The following NELL1 variants were observed in gnomAD, a reference collection of about 807,000 sequenced individuals.
NELL1 encodes neural EGFL like 1.
A neutral mutation model predicts 107.4 loss-of-function variants in NELL1; 76 were observed. The ratio of observed to expected loss-of-function variants is 0.71; its 90% CI spans 0.59 to 0.86. NELL1 has a LOEUF of 0.86. Ranked by LOEUF, NELL1 falls within the 40% of genes least tolerant of loss-of-function variation. NELL1 has a pLI of 0.00. For missense variants in NELL1, 1,024 were observed against 1,005.5 expected, an observed-to-expected ratio of 1.02 and a Z score of -0.25; for synonymous variants, 353 against 341.2, an observed-to-expected ratio of 1.03 and a Z score of -0.38.
At chr11:21,438,976 G>A (rs573879787) in intron 15 of NELL1, among the ~76,000 whole-genome samples, 1 of 151,846 alleles carries the variant, frequency 6.6e-6, no homozygotes, top group African/African-American at 2.4e-5. Context: ...TGACTCATGA[G>A]AGGCAAGCCA....
intron 15 of NELL1, among the ~76,000 whole-genome samples, chr11:21,500,977 T>C (rs116876386): frequency 3.3e-5 from 5 of 152,256 alleles, no homozygotes; most frequent in Non-Finnish European, 7.4e-5. Context: ...TTAGGTATTT[T>C]ACTGATTGTA....
intron 15 of NELL1, among the ~76,000 whole-genome samples, chr11:21,469,683 T>G (rs1854124601): frequency 6.6e-6 from 1 of 152,080 alleles, no homozygotes; most frequent in African/African-American, 2.4e-5. Context: ...ATAAGGAATG[T>G]GATTTCAAAT....
intron 2 of NELL1, among the ~76,000 whole-genome samples, chr11:20,753,891 T>C (rs929077290): frequency 1.3e-5 from 2 of 152,210 alleles, no homozygotes; most frequent in African/African-American, 4.8e-5. Context: ...CTACTCAAGT[T>C]GTTTGCTTTG....
At chr11:21,549,923 AAAAAGAGTG>A (rs1856535677) in intron 16 of NELL1, among the ~76,000 whole-genome samples, 2 of 140,464 alleles carry the variant, frequency 1.4e-5, no homozygotes, top group African/African-American at 3.3e-5. Context: ...AAAAGAGTGG[AAAAAGAGTG>A]AGGCAGGGGC....
chr11:21,358,898 G>GT (rs1590866853), intron 14 of NELL1, among the ~76,000 whole-genome samples: 1 of 151,968 alleles, frequency 6.6e-6, no homozygotes, highest in Non-Finnish European at 1.5e-5. Flanking sequence ...AGTTTTTAAG[G>GT]TTTTCTAGGT....
chr11:20,765,538 C>T (rs1040117979), intron 2 of NELL1, among the ~76,000 whole-genome samples: 4 of 152,230 alleles, frequency 2.6e-5, no homozygotes, highest in Non-Finnish European at 5.9e-5. Flanking sequence ...AGGGAAATGA[C>T]GTTTCAGCTG....
At chr11:21,452,968 T>C (rs1344202314) in intron 15 of NELL1, among the ~76,000 whole-genome samples, 1 of 151,994 alleles carries the variant, frequency 6.6e-6, no homozygotes, top group Non-Finnish European at 1.5e-5. Flanking sequence ...TTTGGAAATA[T>C]TCCAGTTATA....
chr11:21,421,364 T>C (rs1183676679), intron 15 of NELL1, among the ~76,000 whole-genome samples: 1 of 152,122 alleles, frequency 6.6e-6, no homozygotes, highest in Non-Finnish European at 1.5e-5. Flanking sequence ...ATTTCAGCTC[T>C]TATCTGGAGG....
chr11:21,454,552 A>T (rs905076008), intron 15 of NELL1, among the ~76,000 whole-genome samples: 1 of 152,194 alleles, frequency 6.6e-6, no homozygotes, highest in Non-Finnish European at 1.5e-5. Context: ...TAAATACAAG[A>T]TTATCTTTTA....
intron 12 of NELL1, among the ~76,000 whole-genome samples, chr11:20,970,080 C>CATCCATCT (rs1851467069): frequency 1.1e-4 from 17 of 151,414 alleles, no homozygotes; most frequent in South Asian, 6.3e-4. Flanking sequence ...TCCATCCATC[C>CATCCATCT]ATCCATCCAT....
intron 16 of NELL1, among the ~76,000 whole-genome samples, chr11:21,550,320 G>A (rs1436715213): frequency 6.6e-6 from 1 of 151,912 alleles, no homozygotes; most frequent in African/African-American, 2.4e-5. Flanking sequence ...AGTTTCTTTT[G>A]CTGTGCAGAA....
intron 15 of NELL1, among the ~76,000 whole-genome samples, chr11:21,470,792 TG>T (rs1487568882): frequency 1.3e-5 from 2 of 152,112 alleles, no homozygotes; most frequent in Admixed American, 6.6e-5. Context: ...TGCAGCAGTT[TG>T]GAACTCAGTT....
chr11:20,982,121 G>A (rs1247524536), intron 12 of NELL1, among the ~76,000 whole-genome samples: 1 of 152,160 alleles, frequency 6.6e-6, no homozygotes. Context: ...TGATGAGTCT[G>A]TGGGGGTCCA....
At chr11:21,524,837 T>C (rs555463673) in intron 15 of NELL1, among the ~76,000 whole-genome samples, 11 of 152,290 alleles carry the variant, frequency 7.2e-5, no homozygotes, top group Admixed American at 1.3e-4. Context: ...TCAAGTTTCA[T>C]AGCAGTCAAA....
intron 16 of NELL1, among the ~76,000 whole-genome samples, chr11:21,553,280 C>G (rs1272412927): frequency 6.6e-6 from 1 of 151,802 alleles, no homozygotes; most frequent in African/African-American, 2.4e-5. Flanking sequence ...GATTACATTG[C>G]CAAGGCTTCA....
intron 15 of NELL1, among the ~76,000 whole-genome samples, chr11:21,378,491 G>C (rs940770050): frequency 6.6e-6 from 1 of 151,762 alleles, no homozygotes; most frequent in African/African-American, 2.4e-5. Flanking sequence ...TACAGTCTTA[G>C]GAACCAGGTT....
chr11:21,408,031 T>C (rs1480127952), intron 15 of NELL1, among the ~76,000 whole-genome samples: 1 of 151,900 alleles, frequency 6.6e-6, no homozygotes, highest in African/African-American at 2.4e-5. Flanking sequence ...ATATGGAGAT[T>C]TGTCAGTTGC....
intron 15 of NELL1, among the ~76,000 whole-genome samples, chr11:21,420,012 A>T (rs1326539501): frequency 6.6e-6 from 1 of 151,914 alleles, no homozygotes; most frequent in Admixed American, 6.6e-5. Flanking sequence ...TTCCCATATT[A>T]CACTTGCCAT....
intron 14 of NELL1, among the ~76,000 whole-genome samples, chr11:21,345,435 CT>C (rs1354550019): frequency 6.6e-6 from 1 of 152,160 alleles, no homozygotes; most frequent in African/African-American, 2.4e-5. Context: ...ATATCCATAT[CT>C]TATTTAGACA....
Sources: gnomAD v4.1 joint callset for allele counts (sites outside exome capture counted in the v4.1 genomes callset) on GRCh38, gnomAD v4.1.1 for gene constraint, MANE v1.5 for transcripts, NCBI Gene and HGNC (gene_info 2026-07-23, HGNC 2026-07-21) for gene names.